SLC39A6: variants seen among roughly 807,000 people sequenced by gnomAD.
SLC39A6 encodes zinc transporter ZIP6.
A neutral mutation model predicts 63.5 loss-of-function variants in SLC39A6; 51 were observed. The ratio of observed to expected loss-of-function variants is 0.80; its 90% CI spans 0.64 to 1.01. The LOEUF (loss-of-function observed/expected upper bound fraction) is 1.01, where lower values mean the gene tolerates loss of function less well. Ranked by LOEUF, SLC39A6 falls within the 50% of genes least tolerant of loss-of-function variation. The probability of loss-of-function intolerance (pLI) is 0.00; values close to 1 mark genes in which losing one functional copy is unlikely to be tolerated. For missense variants in SLC39A6, 805 were observed against 927.8 expected (o/e 0.87, Z 1.72); for synonymous variants, 318 against 324.7 (o/e 0.98, Z 0.22).
chr18:36,123,533 T>G lies in SLC39A6; in HGVS notation c.1102A>C (p.Thr368Pro). 1 of 1,612,700 alleles carries G rather than the reference T, an allele frequency of 6.2e-7. No homozygotes were observed. Among genetic ancestry groups the G allele is most frequent in the Non-Finnish European group, 8.5e-7 (1 of 1,179,684 alleles). ...TGTAAAAAAGCATCACCACTCAAAG[T>G]CCCAACGGCCAGTGCCACAAGGAAA... Reference protein sequence around the residue: ...LSFLVALAVGTLSGDAFLHLL... With the variant: ...LSFLVALAVGPLSGDAFLHLL... The change falls in exon 4 of 10, where the codon ACT (threonine) becomes CCT (proline). Residue 368 changes from threonine (T) to proline (P), a missense_variant. By Grantham distance (38) the Thr-to-Pro change is conservative. Around this residue, in one of 4 missense-constraint regions of SLC39A6, gnomAD observed 639 missense variants for 644.0 expected, o/e 0.99. Transcript: ENST00000269187.
At chr18:36,115,256 A>G (rs978735204) in intron 6 of SLC39A6, among the ~76,000 whole-genome samples, 3 of 152,128 alleles carry the variant, frequency 2.0e-5, no homozygotes, top group Non-Finnish European at 4.4e-5. Flanking sequence ...CCTGGCTAAC[A>G]TGGTGAAACC....
chr18:36,112,367 T>C (rs2089307623), intron 8 of SLC39A6, 134 bp downstream of exon 8: 1 of 677,480 alleles, frequency 1.5e-6, no homozygotes, highest in African/African-American at 1.8e-5. Flanking sequence ...CCTGATGTCA[T>C]CAGTATGCTG....
rs569286064 is a variant in SLC39A6, at chr18:36,123,441, T to G, written c.1140+54A>C. 4.3e-5 allele frequency: 63 copies of G among 1,466,850 alleles called. No homozygotes were observed. The Admixed American group carries it at 7.6e-4, about 18-fold the overall frequency. 90.9% of individuals were successfully genotyped at this position (1,466,850 alleles called of 1,614,324 possible). A position where few individuals can be genotyped will look rare whatever the true frequency, so the allele number is the denominator to read the frequency against. ...AAAATTCTAGCATAAACCAAAACAT[T>G]TTTTTTTCAATGTTGAATAATCAAA... On this transcript the variant is annotated intron_variant, in intron 4 of 9. Coordinates refer to ENST00000269187, the MANE Select transcript of SLC39A6 (RefSeq NM_012319.4).
chr18:36,122,187 A>T lies in SLC39A6; in HGVS notation c.1224T>A (p.Ser408=). The T allele has an allele frequency of 6.2e-7, 1 of 1,614,150 alleles. No homozygotes were observed. The highest frequency in any genetic ancestry group is 8.5e-7 in the Non-Finnish European group (1 of 1,179,970). The change falls in exon 5 of 10, where the codon TCT becomes TCA. Residue 408 remains serine, a synonymous_variant. Coordinates refer to ENST00000269187, the MANE Select transcript of SLC39A6 (RefSeq NM_012319.4). ...MKRGPLFSHL[S]SQNIEESAYF... ...AGGCACTTTCTTCTATGTTTTGAGA[A>T]GACAGATGACTGAAAAGTGGTCCTC...
In SLC39A6 at chr18:36,128,519, C is replaced by T. The variant is rs528083861; in HGVS notation, c.-10+595G>A. 2.0e-4 allele frequency among the ~76,000 whole-genome samples: 31 copies of T among 152,272 alleles called. No individual in the cohort carries two copies. The South Asian group carries it at 5.8e-3, about 29-fold the overall frequency. On this transcript the variant is annotated intron_variant, in intron 1 of 9. Transcript: ENST00000269187. ...TGGAGGTACGGCGTAGAACGAGGCT[C>T]CTGAAAGAGGAATCTTTGGGGCTTG...
At chr18:36,128,949 T>C (rs2089484623) in intron 1 of SLC39A6, among the ~76,000 whole-genome samples, 165 bp downstream of exon 1, 1 of 151,936 alleles carries the variant, frequency 6.6e-6, no homozygotes, top group South Asian at 2.1e-4. Context: ...CTCTCTAGGG[T>C]GAGTGGGCGC....
At chr18:36,127,128 C>T (rs968225469) in intron 1 of SLC39A6, 112 bp from the exon 2 acceptor site, 4 of 949,654 alleles carry the variant, frequency 4.2e-6, no homozygotes, top group Non-Finnish European at 6.2e-6. Context: ...GCCAGAGCAT[C>T]ATGTGGTGTG....
At chr18:36,109,896 C>G in intron 9 of SLC39A6, 151 bp from the exon 10 acceptor site, 1 of 575,368 alleles carries the variant, frequency 1.7e-6, no homozygotes, top group South Asian at 2.6e-5. Flanking sequence ...TACATACATA[C>G]TGACTCTAGC....
At chr18:36,121,364 C>T (rs1037799145) in intron 5 of SLC39A6, among the ~76,000 whole-genome samples, 1 of 152,066 alleles carries the variant, frequency 6.6e-6, no homozygotes, top group African/African-American at 2.4e-5. Context: ...ACCATGTTGG[C>T]CAGGCTGGTC....
intron 1 of SLC39A6, among the ~76,000 whole-genome samples, chr18:36,127,273 T>C (rs1216948306): frequency 6.6e-6 from 1 of 152,132 alleles, no homozygotes; most frequent in African/African-American, 2.4e-5. Flanking sequence ...GTAAAAGCAA[T>C]AGTAATTCAG....
Position 36,123,578 on chromosome 18 carries a change from A to T in SLC39A6, c.1057T>A (p.Phe353Ile), listed in dbSNP as rs1247073898. ...VILVPLMNRV[F>I]FKFLLSFLVA... The stretch of plus-strand genomic sequence containing the variant: ...AGGAAACTCAGGAGAAATTTGAAAA[A>T]CACCCGATTCATGAGAGGCACTAAG... Residue 353 changes from phenylalanine (F) to isoleucine (I), a missense_variant, in exon 4 of 10, where the codon TTT becomes ATT. Around this residue, in one of 4 missense-constraint regions of SLC39A6, gnomAD observed 639 missense variants for 644.0 expected, o/e 0.99. Coordinates refer to ENST00000269187, the MANE Select transcript of SLC39A6 (RefSeq NM_012319.4). 2 of 1,613,898 alleles carry T rather than the reference A, an allele frequency of 1.2e-6. No homozygotes were observed. Among genetic ancestry groups the T allele is most frequent in the South Asian group, 2.2e-5 (2 of 91,038 alleles).
intron 9 of SLC39A6, among the ~76,000 whole-genome samples, chr18:36,110,639 A>T (rs1431129027): frequency 6.6e-6 from 1 of 152,078 alleles, no homozygotes; most frequent in Non-Finnish European, 1.5e-5. Flanking sequence ...CCTGGGTTCA[A>T]GTGATTCTCC....
At chr18:36,110,268 T>A (rs2089290479) in intron 9 of SLC39A6, among the ~76,000 whole-genome samples, 1 of 152,164 alleles carries the variant, frequency 6.6e-6, no homozygotes, top group Non-Finnish European at 1.5e-5. Flanking sequence ...CATTCTGAAG[T>A]ATACAGCATG....
chr18:36,124,831 T>C (rs1344023925), intron 2 of SLC39A6, 131 bp from the exon 3 acceptor site: 1 of 736,962 alleles, frequency 1.4e-6, no homozygotes, highest in Non-Finnish European at 2.0e-6. Context: ...ACTTCTGTTT[T>C]GAGCACTTTG....
At position 36,123,511 on chromosome 18, in the gene SLC39A6, A is replaced by AT; in HGVS notation, c.1123_1124insA (p.Leu375TyrfsTer14). The AT allele has an allele frequency of 1.2e-6, 2 of 1,611,046 alleles. No homozygotes were observed. The highest frequency in any genetic ancestry group is 1.7e-6 in the Non-Finnish European group (2 of 1,179,170). On this transcript the variant is annotated frameshift_variant, in exon 4 of 10. Coordinates refer to ENST00000269187, the MANE Select transcript of SLC39A6 (RefSeq NM_012319.4). LOFTEE classifies it high-confidence loss of function. ...TATACTTACATGTGGAAGAAGGTGT[A>AT]AAAAAGCATCACCACTCAAAGTCCC...
intron 4 of SLC39A6, 55 bp downstream of exon 4, chr18:36,123,439 AT>A (rs991510052): frequency 3.1e-4 from 447 of 1,434,356 alleles, no homozygotes; most frequent in East Asian, 6.3e-4. Flanking sequence ...AAACCAAAAC[AT>A]TTTTTTTTCA....
intron 3 of SLC39A6, 79 bp from the exon 4 acceptor site, chr18:36,123,743 A>G: frequency 2.9e-6 from 4 of 1,361,388 alleles, no homozygotes; most frequent in South Asian, 1.4e-5. Context: ...GGAGAGTAGC[A>G]TAAAGCAACA....
In SLC39A6 at chr18:36,124,669, T is replaced by C; in HGVS notation, c.821A>G (p.His274Arg). The C allele has an allele frequency of 3.2e-6, 5 of 1,576,114 alleles. No individual in the cohort carries two copies. The highest frequency in any genetic ancestry group is 2.6e-6 in the Non-Finnish European group (3 of 1,150,264). Residue 274 changes from histidine to arginine, a missense_variant, in exon 3 of 10, where the codon CAT becomes CGT. Transcript: ENST00000269187. The part of the protein sequence containing the change: ...CFNASKLLTS[H>R]GMGIQVPLNA... ...CAGCGGAACCTGGATGCCCATGCCATGAGATGTCAGTAGCTTTGATGCATT... is the reference window on the plus strand; with the variant it reads ...CAGCGGAACCTGGATGCCCATGCCACGAGATGTCAGTAGCTTTGATGCATT...
intron 7 of SLC39A6, among the ~76,000 whole-genome samples, chr18:36,113,865 G>A (rs2089321669): frequency 6.6e-6 from 1 of 152,132 alleles, no homozygotes; most frequent in Non-Finnish European, 1.5e-5. Flanking sequence ...AACAGCTTTT[G>A]ACAGTTACAA....
Sources: gnomAD v4.1 joint callset for allele counts (sites outside exome capture counted in the v4.1 genomes callset) on GRCh38, gnomAD v4.1.1 for gene constraint, gnomAD v4.1.1 regional missense constraint, MANE v1.5 for transcripts, NCBI Gene and HGNC (gene_info 2026-07-23, HGNC 2026-07-21) for gene names.